Variants in PLAUR observed in about 807,000 individuals in gnomAD.
The protein encoded by PLAUR is urokinase plasminogen activator surface receptor.
PLAUR carries 22 observed loss-of-function variants against 33.4 expected under a neutral mutation model. The ratio of observed to expected loss-of-function variants is 0.66; its 90% CI spans 0.47 to 0.94. PLAUR has a LOEUF of 0.94. PLAUR is among the 40% of genes least tolerant of loss of function. The pLI is 0.00. For synonymous variants in PLAUR, 148 were observed against 167.3 expected (o/e 0.88, Z 0.89); for missense variants, 408 against 434.7 (o/e 0.94, Z 0.55).
In PLAUR at chr19:43,670,099, G is replaced by A. The variant is rs914209076; in HGVS notation, c.22C>T (p.Pro8Ser). The A allele has an allele frequency of 1.2e-6, 2 of 1,612,716 alleles. No homozygotes were observed. The highest frequency in any genetic ancestry group is 1.7e-6 in the Non-Finnish European group (2 of 1,179,576). The change falls in exon 1 of 7, where the codon CCG becomes TCG. Residue 8 changes from proline (P) to serine (S), a missense_variant. Physicochemically the swap from Pro to Ser is moderately conservative, Grantham distance 74. Transcript: ENST00000340093. ...CAGGTGTGGAGCAGCAGCAGCAGCGGCAGCAGCGGCGGGTGACCCATGTCG... is the reference window on the plus strand; with the variant it reads ...CAGGTGTGGAGCAGCAGCAGCAGCGACAGCAGCGGCGGGTGACCCATGTCG... The part of the protein sequence containing the change: MGHPPLL[P>S]LLLLLHTCVP...
rs115600922 is a variant in PLAUR, at chr19:43,658,111, G to A, written c.311-1471C>T. On this transcript the variant is annotated intron_variant, in intron 3 of 6. Coordinates refer to ENST00000340093, the MANE Select transcript of PLAUR (RefSeq NM_002659.4). The stretch of plus-strand genomic sequence containing the variant: ...GTCAACTGGATATTATGGAAATGAT[G>A]GTGTATGCCTTCTGTGGCTAGATCA... Among the ~76,000 whole-genome samples the A allele has an allele frequency of 4.4e-4, 67 of 152,232 alleles. 1 individual carries two copies. The highest frequency in any genetic ancestry group is 1.6e-3 in the African/African-American group (67 of 41,544).
At position 43,655,519 on chromosome 19, in the gene PLAUR, G is replaced by A. The variant is rs376641361; in HGVS notation, c.527C>T (p.Pro176Leu). Reference protein sequence around the residue: ...LRGCGYLPGCPGSNGFHNNDT... With the variant: ...LRGCGYLPGCLGSNGFHNNDT... ...GTTGTTGTGGAAACCATTGGAGCCC[G>A]GGCAGCCGGGAAGGTAGCCACAGCC... The change falls in exon 5 of 7, where the codon CCG becomes CTG. Residue 176 changes from proline (P) to leucine (L), a missense_variant. Physicochemically the swap from Pro to Leu is moderately conservative, Grantham distance 98. Coordinates refer to ENST00000340093, the MANE Select transcript of PLAUR (RefSeq NM_002659.4). The A allele has an allele frequency of 7.9e-5, 127 of 1,614,046 alleles. No homozygotes were observed. The highest frequency in any genetic ancestry group is 9.9e-5 in the South Asian group (9 of 91,088).
chr19:43,665,586 G>C (rs4251831), intron 2 of PLAUR, 127 bp from the exon 3 acceptor site: 589,155 of 812,094 alleles, frequency 0.73, 217,053 homozygotes, highest in African/African-American at 0.92. Flanking sequence ...TATTTGAGTC[G>C]AACTCTGTCT....
Position 43,656,639 on chromosome 19 carries a change from G to A in PLAUR, c.312C>T (p.Gly104=). ...GGCTTCGGGAATAGGTGACAGCCCGGCCTGTTTGGAAGAGGGGGAGGGGAG... is the reference window on the plus strand; with the variant it reads ...GGCTTCGGGAATAGGTGACAGCCCGACCTGTTTGGAAGAGGGGGAGGGGAG... ...GLDLCNQGNS[G]RAVTYSRSRY... is the part of the protein sequence containing the mutation. Residue 104 remains glycine (G), a splice_region_variant and synonymous_variant, in exon 4 of 7, where the codon GGC becomes GGT. Transcript: ENST00000340093. 1 of 1,593,510 alleles carries A rather than the reference G, an allele frequency of 6.3e-7. No homozygotes were observed. The highest frequency in any genetic ancestry group is 8.6e-7 in the Non-Finnish European group (1 of 1,167,738).
chr19:43,667,596 C>T lies in PLAUR; in HGVS notation c.151G>A (p.Val51Met). 1 of 1,613,082 alleles carries T rather than the reference C, an allele frequency of 6.2e-7. No homozygotes were observed. ...LGQDLCRTTIVRLWEEGEELE... is the reference protein window; with the variant it reads ...LGQDLCRTTIMRLWEEGEELE... The stretch of plus-strand genomic sequence containing the variant: ...GGAAGCTCACCTTCCCACAAGCGCA[C>T]GATCGTGGTCCTGCAGAGGTCCTGT... The change falls in exon 2 of 7, where the codon GTG (valine) becomes ATG (methionine). Residue 51 changes from valine (V) to methionine (M), a missense_variant. Val to Met is a conservative substitution (Grantham distance 21). Transcript: ENST00000340093.
At chr19:43,667,872 C>T in intron 1 of PLAUR, 181 bp from the exon 2 acceptor site, 9 of 1,434,266 alleles carry the variant, frequency 6.3e-6, no homozygotes, top group Non-Finnish European at 8.2e-6. Context: ...CCACGTTCTA[C>T]CTCCACCCCA....
rs1374500166 is a variant in PLAUR at position 43,656,561 on chromosome 19, G to A, written c.390C>T (p.Gly130=). 2.5e-6 allele frequency: 4 copies of A among 1,613,072 alleles called. No individual in the cohort carries two copies. Among genetic ancestry groups the A allele is most frequent in the Non-Finnish European group, 2.5e-6 (3 of 1,179,388 alleles). The part of the protein sequence containing the change: ...CGSSDMSCER[G]RHQSLQCRSP... ...TGCGGCACTGCAGGCTCTGGTGCCG[G>A]CCCCTCTCACAGCTCATGTCTGATG... The change falls in exon 4 of 7, where the codon GGC becomes GGT. Residue 130 remains glycine, a synonymous_variant. Transcript: ENST00000340093.
chr19:43,656,471 G>A lies in PLAUR; in HGVS notation c.472+8C>T. 6.4e-7 allele frequency: 1 copy of A among 1,574,552 alleles called. No homozygotes were observed. Among genetic ancestry groups the A allele is most frequent in the Non-Finnish European group, 8.6e-7 (1 of 1,156,304 alleles). On this transcript the variant is annotated splice_region_variant and intron_variant, in intron 4 of 6. Coordinates refer to ENST00000340093, the MANE Select transcript of PLAUR (RefSeq NM_002659.4). The stretch of plus-strand genomic sequence containing the variant: ...GGGAGGAGGAGTTGCCAGCAGGTTG[G>A]GGCTCACCTTCTTCACCTTCCTGGA...
chr19:43,662,366 C>T (rs1967039023), intron 3 of PLAUR, among the ~76,000 whole-genome samples: 1 of 151,950 alleles, frequency 6.6e-6, no homozygotes, highest in African/African-American at 2.4e-5. Flanking sequence ...GGCATGGTGG[C>T]GGGTGCCTGT....
At chr19:43,669,181 GAAGT>G (rs995916789) in intron 1 of PLAUR, among the ~76,000 whole-genome samples, 4 of 152,352 alleles carry the variant, frequency 2.6e-5, no homozygotes, top group African/African-American at 9.6e-5. Context: ...ATTTTCCGGG[GAAGT>G]AAGTGAGAGT....
chr19:43,665,813 A>C (rs1967215224), intron 2 of PLAUR, among the ~76,000 whole-genome samples: 1 of 147,914 alleles, frequency 6.8e-6, no homozygotes, highest in Non-Finnish European at 1.5e-5. Context: ...ACAGGCTTAC[A>C]TCACCACACC....
intron 2 of PLAUR, among the ~76,000 whole-genome samples, chr19:43,666,780 G>GAA (rs1292538005): frequency 6.6e-6 from 1 of 151,602 alleles, no homozygotes; most frequent in Admixed American, 6.6e-5. Flanking sequence ...TGTTGGCCAG[G>GAA]CTGGTCCTGA....
At position 43,667,225 on chromosome 19, in the gene PLAUR, T is replaced by G. The variant is rs1010952084; in HGVS notation, c.166+356A>C. Reference sequence around the variant, plus strand: ...GTCACAAACATTGCTGCTAAGAACATTCGTATACATGTGTCCCTGGGTATA... The same window carrying G: ...GTCACAAACATTGCTGCTAAGAACAGTCGTATACATGTGTCCCTGGGTATA... On this transcript the variant is annotated intron_variant, in intron 2 of 6. Coordinates refer to ENST00000340093, the MANE Select transcript of PLAUR (RefSeq NM_002659.4). The G allele has an allele frequency of 2.2e-5, 6 of 272,852 alleles. No individual in the cohort carries two copies. The Admixed American group carries it at 2.4e-4, about 11-fold the overall frequency. 16.9% of individuals were successfully genotyped at this position (272,852 alleles called of 1,614,324 possible).
At chr19:43,665,270 CTGGGGATGGCTTGGGGT>C (rs1203369045) in intron 3 of PLAUR, 29 bp downstream of exon 3, 2 of 1,597,972 alleles carry the variant, frequency 1.3e-6, no homozygotes, top group South Asian at 1.1e-5. Flanking sequence ...TGAGGTTGAG[CTGGGGATGGCTTGGGGT>C]TGGGGATGGC....
At chr19:43,653,236 C>T (rs1974069320) in intron 5 of PLAUR, among the ~76,000 whole-genome samples, 1 of 152,190 alleles carries the variant, frequency 6.6e-6, no homozygotes, top group Non-Finnish European at 1.5e-5. Context: ...CAAGTGCTCA[C>T]TGACCACATA....
At chr19:43,668,170 A>G in intron 1 of PLAUR, 1 of 983,350 alleles carries the variant, frequency 1.0e-6, no homozygotes, top group Non-Finnish European at 1.2e-6. Context: ...CCCTCCACTC[A>G]CTCCCCCTGG....
intron 3 of PLAUR, chr19:43,661,199 G>C (rs1247104126): frequency 6.6e-6 from 1 of 152,122 alleles, no homozygotes; most frequent in Non-Finnish European, 1.5e-5. Context: ...TCATCTTCCA[G>C]ACATTCTGGC....
intron 1 of PLAUR, among the ~76,000 whole-genome samples, chr19:43,669,114 G>T (rs1053277296): frequency 6.8e-6 from 1 of 146,722 alleles, no homozygotes; most frequent in Non-Finnish European, 1.5e-5. Context: ...CCAACACCCT[G>T]TGGCCACCCG....
chr19:43,649,379 A>C (rs1568550018), intron 6 of PLAUR, among the ~76,000 whole-genome samples: 1 of 151,444 alleles, frequency 6.6e-6, no homozygotes. Flanking sequence ...ACATAGCAAA[A>C]CTCTGTTTCT....
Sources: gnomAD v4.1 joint callset for allele counts (sites outside exome capture counted in the v4.1 genomes callset) on GRCh38, gnomAD v4.1.1 for gene constraint, MANE v1.5 for transcripts, NCBI Gene and HGNC (gene_info 2026-07-23, HGNC 2026-07-21) for gene names.